The following LHFPL3 variants were observed in gnomAD, a reference collection of about 807,000 sequenced individuals.
LHFPL3 encodes LHFPL tetraspan subfamily member 3, also known as LHFPL tetraspan subfamily member 3 protein.
In LHFPL3, 5 loss-of-function variants were observed where a neutral mutation model predicts 19.3. That is an observed-to-expected ratio of 0.26 (90% CI 0.14 to 0.54). The LOEUF (loss-of-function observed/expected upper bound fraction) is 0.54. Ranked by LOEUF, LHFPL3 falls within the 20% of genes least tolerant of loss-of-function variation. The pLI is 0.94. For synonymous variants in LHFPL3, 133 were observed against 126.2 expected, an observed-to-expected ratio of 1.05 and a Z score of -0.36; for missense variants, 249 against 307.4, an observed-to-expected ratio of 0.81 and a Z score of 1.42.
chr7:104,378,761 T>A (rs1790764872), intron 1 of LHFPL3, among the ~76,000 whole-genome samples: 2 of 152,374 alleles, frequency 1.3e-5, no homozygotes, highest in Admixed American at 6.5e-5. Flanking sequence ...ATGTTAAGCA[T>A]CTTTTTAATG....
At chr7:104,644,886 A>G (rs1052186186) in intron 1 of LHFPL3, among the ~76,000 whole-genome samples, 1 of 152,136 alleles carries the variant, frequency 6.6e-6, no homozygotes, top group Non-Finnish European at 1.5e-5. Context: ...AGCTATTGGC[A>G]TGTTTTTAAA....
chr7:104,783,887 C>T (rs1209830763), intron 2 of LHFPL3, among the ~76,000 whole-genome samples: 1 of 152,212 alleles, frequency 6.6e-6, no homozygotes, highest in African/African-American at 2.4e-5. Flanking sequence ...GGTCATGCAA[C>T]TGTGAAATCT....
intron 1 of LHFPL3, among the ~76,000 whole-genome samples, chr7:104,368,875 G>T (rs976308969): frequency 6.6e-6 from 1 of 152,136 alleles, no homozygotes; most frequent in African/African-American, 2.4e-5. Flanking sequence ...TATTTAATTT[G>T]TGGTAGGACA....
At chr7:104,639,218 A>G (rs2115884674) in intron 1 of LHFPL3, among the ~76,000 whole-genome samples, 1 of 151,912 alleles carries the variant, frequency 6.6e-6, no homozygotes, top group South Asian at 2.1e-4. Flanking sequence ...CTTTTTTTGG[A>G]TTGGTAGCCT....
At chr7:104,757,196 C>G (rs965950902) in intron 2 of LHFPL3, among the ~76,000 whole-genome samples, 2 of 152,092 alleles carry the variant, frequency 1.3e-5, no homozygotes, top group African/African-American at 4.8e-5. Flanking sequence ...CCACCATATA[C>G]AAAAATTAAT....
chr7:104,377,801 A>T (rs1790746042), intron 1 of LHFPL3, among the ~76,000 whole-genome samples: 1 of 152,218 alleles, frequency 6.6e-6, no homozygotes, highest in Admixed American at 6.6e-5. Flanking sequence ...TTAAAAAATG[A>T]ATAATGCATC....
intron 1 of LHFPL3, among the ~76,000 whole-genome samples, chr7:104,334,456 C>T (rs1480528467): frequency 2.0e-5 from 3 of 152,116 alleles, no homozygotes; most frequent in Admixed American, 6.5e-5. Flanking sequence ...CTGAGGCAGG[C>T]GAATCACTTG....
intron 1 of LHFPL3, among the ~76,000 whole-genome samples, chr7:104,600,618 A>C (rs1293190437): frequency 6.6e-6 from 1 of 152,246 alleles, no homozygotes; most frequent in South Asian, 2.1e-4. Context: ...TTATGTAGAT[A>C]AAATCCTCTT....
chr7:104,459,413 T>G (rs552897684), intron 1 of LHFPL3, among the ~76,000 whole-genome samples: 1 of 152,356 alleles, frequency 6.6e-6, no homozygotes, highest in East Asian at 1.9e-4. Context: ...TTCTGAATCT[T>G]CTTCAGAGGA....
chr7:104,428,511 T>C (rs1470495467), intron 1 of LHFPL3, among the ~76,000 whole-genome samples: 1 of 152,172 alleles, frequency 6.6e-6, no homozygotes, highest in East Asian at 1.9e-4. Context: ...TAATAGTAGC[T>C]GTCCTGGTTA....
At chr7:104,843,399 G>T (rs560682849) in intron 2 of LHFPL3, among the ~76,000 whole-genome samples, 1 of 152,316 alleles carries the variant, frequency 6.6e-6, no homozygotes, top group African/African-American at 2.4e-5. Flanking sequence ...GTTTCAGGGA[G>T]CCAAGGCAGC....
At position 104,660,003 on chromosome 7, in the gene LHFPL3, CGT is replaced by C. The variant is rs139724263; in HGVS notation, c.446-76671_446-76670del. Among the ~76,000 whole-genome samples, 769 of 81,754 alleles carry C rather than the reference CGT, an allele frequency of 9.4e-3. 42 individuals carry two copies. In the East Asian group the frequency reaches 0.25, roughly 27 times the overall value. The allele number at this position is 81,754 out of a possible 152,430, so 53.6% of individuals were successfully genotyped here. A position where few individuals can be genotyped will look rare whatever the true frequency, so the allele number is the denominator to read the frequency against. On this transcript the variant is annotated intron_variant, in intron 1 of 2. Coordinates refer to ENST00000424859, the MANE Select transcript of LHFPL3 (RefSeq NM_199000.3). ...AGCCCTCCAGTTTGCCACAGCAACT[CGT>C]TTTTTTTTTTTTTTGAGACGGAGTC...
chr7:104,819,237 A>T (rs2116519001), intron 2 of LHFPL3, among the ~76,000 whole-genome samples: 2 of 152,298 alleles, frequency 1.3e-5, no homozygotes, highest in East Asian at 3.9e-4. Context: ...TCTAAAACAG[A>T]TGTTCCCTAT....
chr7:104,344,351 C>T (rs1196468215), intron 1 of LHFPL3, among the ~76,000 whole-genome samples: 1 of 152,018 alleles, frequency 6.6e-6, no homozygotes, highest in Non-Finnish European at 1.5e-5. Context: ...GATTTTAGTG[C>T]ACCTATAGCC....
At chr7:104,547,128 C>T (rs1306616240) in intron 1 of LHFPL3, among the ~76,000 whole-genome samples, 1 of 73,146 alleles carries the variant, frequency 1.4e-5, no homozygotes, top group African/African-American at 4.6e-5. Context: ...CCCAGCTACT[C>T]GGGAGGCTGA....
At chr7:104,643,023 G>T (rs148288194) in intron 1 of LHFPL3, among the ~76,000 whole-genome samples, 1 of 152,128 alleles carries the variant, frequency 6.6e-6, no homozygotes, top group Non-Finnish European at 1.5e-5. Context: ...AATTTTTAAG[G>T]TTATTTATTT....
intron 1 of LHFPL3, among the ~76,000 whole-genome samples, chr7:104,450,551 C>T (rs1792414116): frequency 6.6e-6 from 1 of 151,784 alleles, no homozygotes; most frequent in Non-Finnish European, 1.5e-5. Context: ...GGGAGGGGAA[C>T]ATCACACACC....
intron 2 of LHFPL3, among the ~76,000 whole-genome samples, chr7:104,901,841 T>A (rs1382103404): frequency 6.6e-6 from 1 of 152,020 alleles, no homozygotes; most frequent in Non-Finnish European, 1.5e-5. Context: ...AGTGCTGGGA[T>A]TACAAGCATG....
chr7:104,585,392 C>G, intron 1 of LHFPL3, among the ~76,000 whole-genome samples: 1 of 151,606 alleles, frequency 6.6e-6, no homozygotes, highest in Non-Finnish European at 1.5e-5. Context: ...CGTCATCATC[C>G]CCCTCATCAC....
Sources: gnomAD v4.1 joint callset for allele counts (sites outside exome capture counted in the v4.1 genomes callset) on GRCh38, gnomAD v4.1.1 for gene constraint, MANE v1.5 for transcripts, NCBI Gene and HGNC (gene_info 2026-07-23, HGNC 2026-07-21) for gene names.